The following NBPF12 variants were observed in gnomAD, a reference collection of about 807,000 sequenced individuals.
NBPF12 encodes NBPF family member NBPF12.
NBPF12 carries 115 observed loss-of-function variants against 146.4 expected under a neutral mutation model. The ratio of observed to expected loss-of-function variants is 0.79; its 90% CI spans 0.68 to 0.92. The LOEUF (loss-of-function observed/expected upper bound fraction) is 0.92, where lower values mean the gene tolerates loss of function less well. NBPF12 is among the 40% of genes least tolerant of loss of function. The pLI is 0.00. For synonymous variants in NBPF12, 385 were observed against 508.9 expected, an observed-to-expected ratio of 0.76 and a Z score of 3.28; for missense variants, 1,205 against 1,326.8, an observed-to-expected ratio of 0.91 and a Z score of 1.43.
chr1:146,963,778 C>T (rs1478875631), intron 6 of NBPF12, among the ~76,000 whole-genome samples: 9 of 147,992 alleles, frequency 6.1e-5, no homozygotes, highest in East Asian at 2.0e-4. Context: ...GGAACACTTA[C>T]GAATGCTTTT....
intron 19 of NBPF12, among the ~76,000 whole-genome samples, chr1:146,981,549 G>T (rs1403261614): frequency 6.6e-6 from 1 of 151,298 alleles, no homozygotes; most frequent in Non-Finnish European, 1.5e-5. Flanking sequence ...TGCTCTTCTC[G>T]AGGAGTATCT....
rs587610532 is a variant in NBPF12, at chr1:146,994,431, C to G, written c.4230C>G (p.Asp1410Glu). The change falls in exon 34 of 34, where the codon GAC (aspartate) becomes GAG (glutamate). Residue 1410 changes from aspartate (D) to glutamate (E), a missense_variant. Physicochemically the swap from Asp to Glu is conservative, Grantham distance 45. Around this residue, in one of 16 missense-constraint regions of NBPF12, gnomAD observed 210 missense variants for 94.4 expected, o/e 2.22. Transcript: ENST00000617844. ...CATCAATGTACTTTGAACTACCTGA[C>G]TCATTCCAGCACTACAGAAGTGTGT... 5.3e-4 allele frequency: 847 copies of G among 1,612,212 alleles called. 10 individuals carry two copies. In the South Asian group the frequency reaches 6.4e-3, roughly 12 times the overall value.
At position 146,972,734 on chromosome 1, in the gene NBPF12, G is replaced by C; in HGVS notation, c.1592-17G>C. 7.4e-7 allele frequency: 1 copy of C among 1,357,786 alleles called. No individual in the cohort carries two copies. The highest frequency in any genetic ancestry group is 1.1e-6 in the Non-Finnish European group (1 of 949,728). 84.1% of individuals were successfully genotyped at this position (1,357,786 alleles called of 1,614,324 possible). On this transcript the variant is annotated splice_polypyrimidine_tract_variant and intron_variant, in intron 13 of 33. Coordinates refer to ENST00000617844, the Ensembl canonical transcript of NBPF12. ...TCAGTTTTTAACCCATCATGTGTTT[G>C]CCTTTCTTCTCCCCAGTCCCTGGCC...
rs1655621162 is a variant in NBPF12, at chr1:146,956,971, TAC to T, written c.-183-2886_-183-2885del. 3.7e-5 allele frequency: 5 copies of T among 136,932 alleles called. 1 individual carries two copies. The highest frequency in any genetic ancestry group is 8.1e-5 in the Non-Finnish European group (5 of 61,708). The allele number at this position is 136,932 out of a possible 1,614,324, so 8.5% of individuals were successfully genotyped here. ...TCATAAATATATCAAAGTAAAAGAA[TAC>T]AGATTCAAACAATATGCCCACATAT... On this transcript the variant is annotated intron_variant, in intron 2 of 33. Transcript: ENST00000617844.
rs1275720266 is a variant in NBPF12 at position 146,965,169 on chromosome 1, A to C, written c.778+65A>C. 4.4e-5 allele frequency: 41 copies of C among 925,042 alleles called. No individual in the cohort carries two copies. In the East Asian group the frequency reaches 9.6e-4, roughly 22 times the overall value. 57.3% of individuals were successfully genotyped at this position (925,042 alleles called of 1,614,324 possible). A position where few individuals can be genotyped will look rare whatever the true frequency, so the allele number is the denominator to read the frequency against. ...GCTATGGAAGATCAATTCTGAGGAC[A>C]GGCTGTATATACACATATTGTTATT... is the stretch of plus-strand genomic sequence containing the variant. On this transcript the variant is annotated intron_variant, in intron 8 of 33. Coordinates refer to ENST00000617844, the Ensembl canonical transcript of NBPF12.
Position 146,968,551 on chromosome 1 carries a change from G to T in NBPF12, c.1091+1G>T. On this transcript the variant is annotated splice_donor_variant, in intron 10 of 33. Coordinates refer to ENST00000617844, the Ensembl canonical transcript of NBPF12. LOFTEE classifies it high-confidence loss of function. ...AGCTGAAGCAAGCTGAGGAGCTCAG[G>T]TGAGGGGACCCCATGGGGGCAGGCA... 1 of 1,603,386 alleles carries T rather than the reference G, an allele frequency of 6.2e-7. No homozygotes were observed. The highest frequency in any genetic ancestry group is 8.5e-7 in the Non-Finnish European group (1 of 1,171,548).
At chr1:146,966,082 G>A (rs1656186609) in intron 8 of NBPF12, among the ~76,000 whole-genome samples, 1 of 151,974 alleles carries the variant, frequency 6.6e-6, no homozygotes, top group African/African-American at 2.4e-5. Context: ...ACTGCAGCCT[G>A]CGCGACAGAG....
In NBPF12 at chr1:146,949,315, T is replaced by C. The variant is rs1369298048; in HGVS notation, c.-433T>C. On this transcript the variant is annotated 5_prime_UTR_variant, in exon 1 of 34. Coordinates refer to ENST00000617844, the Ensembl canonical transcript of NBPF12. Reference sequence around the variant, plus strand: ...CCATCCCTTCACTGAACCATTTTTATTCTTTCAGAAATGTGATTGATAACA... The same window carrying C: ...CCATCCCTTCACTGAACCATTTTTACTCTTTCAGAAATGTGATTGATAACA... The C allele has an allele frequency of 9.1e-5, 13 of 142,198 alleles. No homozygotes were observed. The highest frequency in any genetic ancestry group is 9.1e-4 in the Admixed American group (13 of 14,288). 8.8% of individuals were successfully genotyped at this position (142,198 alleles called of 1,614,324 possible).
At chr1:146,939,685 T>C (rs1418592498) in intron 1 of NBPF12, among the ~76,000 whole-genome samples, 5 of 152,054 alleles carry the variant, frequency 3.3e-5, no homozygotes, top group Non-Finnish European at 7.4e-5. Context: ...CGAGGAATGG[T>C]TTCCTCGCTT....
At position 146,962,103 on chromosome 1, in the gene NBPF12, T is replaced by C. The variant is rs1655887437; in HGVS notation, c.176-58T>C. ...GACCTGGCTCCTGCCCTGTAGGCAG[T>C]GACCACAGCAGCATGTCCAGCCTTC... On this transcript the variant is annotated intron_variant, in intron 4 of 33. Coordinates refer to ENST00000617844, the Ensembl canonical transcript of NBPF12. 3 of 1,565,608 alleles carry C rather than the reference T, an allele frequency of 1.9e-6. No individual in the cohort carries two copies. In the South Asian group the frequency reaches 3.3e-5, roughly 17 times the overall value.
chr1:146,942,488 C>A (rs12404637), intron 1 of NBPF12, among the ~76,000 whole-genome samples: 1 of 151,464 alleles, frequency 6.6e-6, no homozygotes, highest in Non-Finnish European at 1.5e-5. Flanking sequence ...CTTGACCTCA[C>A]CTGGCATGAA....
At chr1:146,939,005 G>A (rs1654654770) in intron 1 of NBPF12, 2 of 152,362 alleles carry the variant, frequency 1.3e-5, no homozygotes, top group African/African-American at 4.8e-5. Flanking sequence ...CGCCAGGCCG[G>A]GCGGCAGGTG....
chr1:146,959,518 A>G (rs1467367031), intron 2 of NBPF12, among the ~76,000 whole-genome samples: 1 of 70,514 alleles, frequency 1.4e-5, no homozygotes, highest in African/African-American at 5.4e-5. Context: ...TCAAAACAAG[A>G]GAACATACTA....
intron 2 of NBPF12, among the ~76,000 whole-genome samples, chr1:146,954,875 A>T (rs1655497339): frequency 8.4e-6 from 1 of 119,372 alleles, no homozygotes; most frequent in Non-Finnish European, 1.7e-5. Context: ...ATATATGTAT[A>T]CACACCCACA....
chr1:146,960,638 T>C (rs1456451271), intron 4 of NBPF12, among the ~76,000 whole-genome samples: 1 of 151,928 alleles, frequency 6.6e-6, no homozygotes, highest in East Asian at 1.9e-4. Context: ...CCATATAAGA[T>C]CCTGCAGACA....
chr1:146,974,196 T>C (rs1434232445), intron 14 of NBPF12, among the ~76,000 whole-genome samples: 1 of 148,814 alleles, frequency 6.7e-6, no homozygotes, highest in East Asian at 2.0e-4. Context: ...ATTTCCTTCA[T>C]GGCCTTATGG....
intron 1 of NBPF12, among the ~76,000 whole-genome samples, chr1:146,940,865 G>C (rs1654767772): frequency 6.6e-6 from 1 of 151,904 alleles, no homozygotes; most frequent in African/African-American, 2.4e-5. Flanking sequence ...CTGGTATTGA[G>C]ATTGAGTATC....
chr1:146,953,100 T>C (rs1226555793), intron 2 of NBPF12, among the ~76,000 whole-genome samples: 2 of 144,414 alleles, frequency 1.4e-5, no homozygotes, highest in Admixed American at 7.2e-5. Context: ...CTGCATGGAT[T>C]TGCCCTCCCT....
intron 18 of NBPF12, among the ~76,000 whole-genome samples, chr1:146,978,260 A>ATTTT (rs1187524068): frequency 0.013 from 1,119 of 83,506 alleles, 29 homozygotes; most frequent in African/African-American, 0.03. Context: ...AGCGTCGTAG[A>ATTTT]TTTTTTTTTT....
Sources: allele counts gnomAD v4.1 joint callset (sites outside exome capture counted in the v4.1 genomes callset), GRCh38; gene constraint gnomAD v4.1.1; regional missense constraint gnomAD v4.1.1; transcripts MANE v1.5; gene names NCBI Gene and HGNC (gene_info 2026-07-23, HGNC 2026-07-21).